Variants in RELCH observed in about 807,000 individuals in gnomAD.
The protein encoded by RELCH is RAB11 binding and LisH domain, coiled-coil and HEAT repeat containing.
In RELCH, 41 loss-of-function variants were observed where a neutral mutation model predicts 150.3. The observed-to-expected ratio is 0.27, with a 90% CI of 0.21 to 0.35. The LOEUF (loss-of-function observed/expected upper bound fraction) is 0.35. RELCH is among the 10% of genes least tolerant of loss of function. The probability of loss-of-function intolerance (pLI) is 1.00; values close to 1 mark genes in which losing one functional copy is unlikely to be tolerated. For synonymous variants in RELCH, 478 were observed against 531.8 expected, an observed-to-expected ratio of 0.90 and a Z score of 1.39; for missense variants, 1,092 against 1,467.8, an observed-to-expected ratio of 0.74 and a Z score of 4.18.
In RELCH at chr18:62,264,244, C is replaced by T. The variant is rs758984278; in HGVS notation, c.2507+99C>T. On this transcript the variant is annotated intron_variant, in intron 17 of 28. Coordinates refer to ENST00000644646, the MANE Select transcript of RELCH (RefSeq NM_001346231.2). ...ATAACAAAACTTTTAAAATGTAACT[C>T]GGCATCATTTTTGGTAAACACCTTT... The T allele has an allele frequency of 3.7e-4, 357 of 962,766 alleles. 2 individuals carry two copies. The highest frequency in any genetic ancestry group is 3.4e-3 in the Admixed American group (109 of 31,890). The allele number at this position is 962,766 out of a possible 1,614,324, so 59.6% of individuals were successfully genotyped here.
At chr18:62,283,074 T>G (rs949958737) in intron 25 of RELCH, among the ~76,000 whole-genome samples, 2 of 152,248 alleles carry the variant, frequency 1.3e-5, no homozygotes, top group Non-Finnish European at 2.9e-5. Flanking sequence ...GAAATATTTC[T>G]TAATAACTGC....
At chr18:62,228,799 A>C (rs1259401339) in intron 8 of RELCH, among the ~76,000 whole-genome samples, 1 of 152,132 alleles carries the variant, frequency 6.6e-6, no homozygotes, top group Non-Finnish European at 1.5e-5. Context: ...AAATTAAATC[A>C]AAAAGGAATT....
At chr18:62,242,589 C>T (rs936381870) in intron 10 of RELCH, among the ~76,000 whole-genome samples, 5 of 152,096 alleles carry the variant, frequency 3.3e-5, no homozygotes, top group African/African-American at 9.7e-5. Context: ...AAGTGGTAAA[C>T]TAAGGTAAGA....
In RELCH at chr18:62,305,370, A is replaced by T. The variant is rs1568459230; in HGVS notation, c.3531-44A>T. The T allele has an allele frequency of 3.2e-6, 5 of 1,547,840 alleles. No individual in the cohort carries two copies. Among genetic ancestry groups the T allele is most frequent in the Admixed American group, 2.1e-5 (1 of 48,426 alleles). ...GCTACTAAATAAATGAAAAATTTTT[A>T]TTTTTTTAATTGCTTTACATGAATT... On this transcript the variant is annotated intron_variant, in intron 28 of 28. Coordinates refer to ENST00000644646, the MANE Select transcript of RELCH (RefSeq NM_001346231.2). This position sits in a 1 kb window ranked among gnomAD's most constrained non-coding sequence, Gnocchi z 4.0.
At chr18:62,290,555 A>G (rs1897466662) in intron 26 of RELCH, among the ~76,000 whole-genome samples, 1 of 152,140 alleles carries the variant, frequency 6.6e-6, no homozygotes, top group Non-Finnish European at 1.5e-5. Flanking sequence ...TTTATAAGGG[A>G]ACTCACTTAC....
intron 18 of RELCH, among the ~76,000 whole-genome samples, chr18:62,265,571 TATTAA>T (rs934949391): frequency 6.6e-6 from 1 of 152,072 alleles, no homozygotes; most frequent in African/African-American, 2.4e-5. Flanking sequence ...GCATTTTAAT[TATTAA>T]ATTTAATTTA....
Position 62,310,193 on chromosome 18 carries a change from C to T in RELCH, c.*4659C>T, listed in dbSNP as rs986143525. The T allele has an allele frequency of 1.3e-5, 2 of 152,116 alleles. No homozygotes were observed. Among genetic ancestry groups the T allele is most frequent in the African/African-American group, 2.4e-5 (1 of 41,420 alleles). The allele number at this position is 152,116 out of a possible 1,614,324, so 9.4% of individuals were successfully genotyped here. A position where few individuals can be genotyped will look rare whatever the true frequency, so the allele number is the denominator to read the frequency against. ...ATTCTTAGCTTTCTCTGTTCATAAG[C>T]CTTCCCATCATGTATTAAATAATGA... On this transcript the variant is annotated 3_prime_UTR_variant, in exon 29 of 29. Coordinates refer to ENST00000644646, the MANE Select transcript of RELCH (RefSeq NM_001346231.2).
chr18:62,303,310 G>A (rs538860054), intron 28 of RELCH, among the ~76,000 whole-genome samples: 27 of 152,176 alleles, frequency 1.8e-4, no homozygotes, highest in African/African-American at 2.6e-4. Flanking sequence ...GTAGACCTAC[G>A]CAGATATATA....
intron 13 of RELCH, among the ~76,000 whole-genome samples, chr18:62,256,121 G>C (rs1342766212): frequency 6.6e-6 from 1 of 151,920 alleles, no homozygotes; most frequent in South Asian, 2.1e-4. Context: ...CCATTTGCAG[G>C]AAAAGCACTT....
intron 1 of RELCH, among the ~76,000 whole-genome samples, chr18:62,189,691 A>G (rs2038474546): frequency 1.3e-5 from 2 of 152,218 alleles, no homozygotes; most frequent in Non-Finnish European, 2.9e-5. Flanking sequence ...TAGGGCTATC[A>G]TAGCATTGTT....
At chr18:62,242,023 A>G (rs570463800) in intron 10 of RELCH, among the ~76,000 whole-genome samples, 2 of 152,278 alleles carry the variant, frequency 1.3e-5, no homozygotes, top group South Asian at 4.1e-4. Context: ...GCTCTGTCAG[A>G]AACAGACCAC....
intron 1 of RELCH, among the ~76,000 whole-genome samples, chr18:62,190,640 A>G (rs1414706294): frequency 6.6e-6 from 1 of 152,112 alleles, no homozygotes; most frequent in Non-Finnish European, 1.5e-5. Context: ...TATCCCCAGA[A>G]TTCCTTCATT....
chr18:62,243,329 A>C (rs2042243161), intron 10 of RELCH, among the ~76,000 whole-genome samples: 2 of 152,100 alleles, frequency 1.3e-5, no homozygotes, highest in African/African-American at 4.8e-5. Context: ...CTAATCCATC[A>C]AGCATTATAT....
chr18:62,288,430 C>T (rs995442456), intron 26 of RELCH, among the ~76,000 whole-genome samples: 26 of 152,052 alleles, frequency 1.7e-4, no homozygotes, highest in Admixed American at 7.2e-4. Flanking sequence ...CAGTCATTGA[C>T]ACTGGATTCT....
chr18:62,275,049 T>C (rs1281686576), intron 21 of RELCH, among the ~76,000 whole-genome samples: 4 of 152,214 alleles, frequency 2.6e-5, no homozygotes, highest in African/African-American at 9.6e-5. Context: ...CCTGAGTAGC[T>C]GGGACTACAG....
intron 12 of RELCH, 100 bp downstream of exon 12, chr18:62,252,854 A>G (rs904178780): frequency 1.1e-5 from 9 of 814,096 alleles, no homozygotes; most frequent in Non-Finnish European, 1.8e-5. Flanking sequence ...TATGTGGGAT[A>G]TAAATTATGC....
chr18:62,232,504 T>C, intron 10 of RELCH, 77 bp downstream of exon 10: 1 of 843,018 alleles, frequency 1.2e-6, no homozygotes, highest in Non-Finnish European at 2.0e-6. Flanking sequence ...AGTTGAGTGT[T>C]ATATTTTTAT....
At chr18:62,235,842 AT>A (rs899961787) in intron 10 of RELCH, among the ~76,000 whole-genome samples, 1 of 151,942 alleles carries the variant, frequency 6.6e-6, no homozygotes, top group Non-Finnish European at 1.5e-5. Context: ...AACTCTAATC[AT>A]TTTTTATGGG....
At chr18:62,199,840 G>A (rs1568301379) in intron 1 of RELCH, among the ~76,000 whole-genome samples, 1 of 152,182 alleles carries the variant, frequency 6.6e-6, no homozygotes, top group Non-Finnish European at 1.5e-5. Context: ...ACTCTGGATA[G>A]TCTTTGTTTC....
Sources: gnomAD v4.1 joint callset for allele counts (sites outside exome capture counted in the v4.1 genomes callset) on GRCh38, gnomAD v4.1.1 for gene constraint, Gnocchi (gnomAD v3.1) non-coding constraint, MANE v1.5 for transcripts, NCBI Gene and HGNC (gene_info 2026-07-23, HGNC 2026-07-21) for gene names.